The following IL10RB variants were observed in gnomAD, a reference collection of about 807,000 sequenced individuals.
IL10RB encodes interleukin-10 receptor subunit beta.
A neutral mutation model predicts 38.7 loss-of-function variants in IL10RB; 30 were observed. The ratio of observed to expected loss-of-function variants is 0.78; its 90% CI spans 0.58 to 1.05. The LOEUF is 1.05. Ranked by LOEUF, IL10RB falls within the 50% of genes least tolerant of loss-of-function variation. IL10RB has a pLI of 0.00. For missense variants in IL10RB, 328 were observed against 397.1 expected (o/e 0.83, Z 1.48); for synonymous variants, 142 against 145.9 (o/e 0.97, Z 0.19).
intron 6 of IL10RB, among the ~76,000 whole-genome samples, chr21:33,292,591 C>A (rs1443999491): frequency 6.6e-6 from 1 of 152,168 alleles, no homozygotes; most frequent in East Asian, 1.9e-4. Context: ...CATCACCTCG[C>A]GTCCCTCGTC....
downstream of IL10RB, among the ~76,000 whole-genome samples, chr21:33,299,491 C>A (rs755248859): frequency 3.9e-5 from 6 of 152,228 alleles, no homozygotes; most frequent in Non-Finnish European, 8.8e-5. Context: ...CCTTCCTCCT[C>A]GCTCTTTCTG....
intron 1 of IL10RB, chr21:33,267,981 A>G (rs1444502608): frequency 1.2e-5 from 4 of 323,300 alleles, no homozygotes; most frequent in South Asian, 2.6e-5. Context: ...GGGACTCGTG[A>G]GTTCCCCAGC....
intron 4 of IL10RB, 42 bp downstream of exon 4, chr21:33,279,960 T>C: frequency 1.3e-6 from 2 of 1,579,364 alleles, no homozygotes; most frequent in South Asian, 1.1e-5. Flanking sequence ...TAGGCTTTCA[T>C]ATTCTTTGCA....
At chr21:33,302,962 C>T (rs982711025) in intron 1 of IL10RB, among the ~76,000 whole-genome samples, 1 of 152,218 alleles carries the variant, frequency 6.6e-6, no homozygotes, top group Non-Finnish European at 1.5e-5. Context: ...CAGTGCACTG[C>T]AGTCCCTGGA....
In IL10RB at chr21:33,307,657, C is replaced by T. The variant is rs559575477; in HGVS notation, c.130-1319C>T. Among the ~76,000 whole-genome samples the T allele has an allele frequency of 2.0e-5, 3 of 152,306 alleles. No individual in the cohort carries two copies. In the East Asian group the frequency reaches 5.8e-4, roughly 29 times the overall value. ...CTGTCTCAGAGCCCGTGCATATGCT[C>T]TTCCCTAAGCATGGAACACTTTCTA... On this transcript the variant is annotated intron_variant, in intron 1 of 1. Transcript: ENST00000609556.
At chr21:33,309,763 A>G (rs1235290486) in exon 2 of IL10RB, 1 of 152,208 alleles carries the variant, frequency 6.6e-6, no homozygotes, top group Non-Finnish European at 1.5e-5. Context: ...AGTCCTCCAG[A>G]GGAGTTACTA....
At chr21:33,290,838 G>A (rs919527131) in intron 6 of IL10RB, among the ~76,000 whole-genome samples, 8 of 152,218 alleles carry the variant, frequency 5.3e-5, no homozygotes, top group African/African-American at 1.4e-4. Context: ...GTGATACGGC[G>A]TCTCTACTAG....
intron 3 of IL10RB, 62 bp downstream of exon 3, chr21:33,276,815 T>G: frequency 1.4e-6 from 2 of 1,465,180 alleles, no homozygotes; most frequent in South Asian, 2.3e-5. Flanking sequence ...TTTTTCCACA[T>G]TGGTTGGTCC....
chr21:33,298,280 C>T (rs113410071), downstream of IL10RB, among the ~76,000 whole-genome samples: 279 of 152,168 alleles, frequency 1.8e-3, no homozygotes, highest in Non-Finnish European at 3.4e-3. Context: ...TCTGTGATTG[C>T]TTTTTTGAAA....
chr21:33,292,662 A>G (rs1728978584), intron 6 of IL10RB, among the ~76,000 whole-genome samples: 1 of 152,144 alleles, frequency 6.6e-6, no homozygotes, highest in Non-Finnish European at 1.5e-5. Context: ...CAAACAGAGT[A>G]CAATTATCTG....
chr21:33,282,348 C>T (rs1989295244), intron 4 of IL10RB, among the ~76,000 whole-genome samples: 1 of 152,026 alleles, frequency 6.6e-6, no homozygotes, highest in South Asian at 2.1e-4. Context: ...GCCTGGCCAA[C>T]ATGGCAAAAC....
At chr21:33,286,536 A>T (rs964369561) in intron 5 of IL10RB, among the ~76,000 whole-genome samples, 5 of 152,016 alleles carry the variant, frequency 3.3e-5, no homozygotes, top group Non-Finnish European at 7.4e-5. Context: ...CAGTCAAAAC[A>T]TTTTATTCAG....
At chr21:33,288,376 C>G (rs1200287515) in intron 6 of IL10RB, 115 bp downstream of exon 6, 2 of 717,676 alleles carry the variant, frequency 2.8e-6, no homozygotes, top group Admixed American at 4.1e-5. Flanking sequence ...CACACACGCG[C>G]GCGCGCACAC....
In IL10RB at chr21:33,283,145, T is replaced by C. The variant is rs1989309747; in HGVS notation, c.550T>C (p.Trp184Arg). 2 of 1,613,900 alleles carry C rather than the reference T, an allele frequency of 1.2e-6. No homozygotes were observed. The highest frequency in any genetic ancestry group is 2.7e-5 in the African/African-American group (2 of 75,010). ...DFEVLRNLEP[W>R]TTYCVQVRGF... Reference sequence around the variant, plus strand: ...TGAGGTCCTCAGAAACCTGGAGCCATGGACAACTTATTGTGTTCAAGTTCG... The same window carrying C: ...TGAGGTCCTCAGAAACCTGGAGCCACGGACAACTTATTGTGTTCAAGTTCG... Residue 184 changes from tryptophan to arginine, a missense_variant, in exon 5 of 7, where the codon TGG (tryptophan) becomes CGG (arginine). Trp to Arg is a moderately radical substitution (Grantham distance 101). Transcript: ENST00000290200.
chr21:33,298,854 G>A (rs1255693196), downstream of IL10RB, among the ~76,000 whole-genome samples: 3 of 152,174 alleles, frequency 2.0e-5, no homozygotes, highest in Non-Finnish European at 4.4e-5. Flanking sequence ...AGGGATACCT[G>A]GAAGCCAAGT....
At chr21:33,307,476 A>G (rs1156614516) in intron 1 of IL10RB, among the ~76,000 whole-genome samples, 6 of 152,174 alleles carry the variant, frequency 3.9e-5, no homozygotes, top group South Asian at 2.1e-4. Context: ...GCCCAAGACC[A>G]TGCTTCTGTC....
chr21:33,300,737 G>A (rs2082983914), downstream of IL10RB, among the ~76,000 whole-genome samples: 1 of 152,150 alleles, frequency 6.6e-6, no homozygotes, highest in African/African-American at 2.4e-5. Flanking sequence ...CACCATGTGA[G>A]GACACAGAGA....
exon 2 of IL10RB, chr21:33,309,902 A>T (rs1364210666): frequency 6.6e-6 from 1 of 152,192 alleles, no homozygotes; most frequent in African/African-American, 2.4e-5. Flanking sequence ...ACATGTTGAA[A>T]CCCTAATCCC....
At position 33,275,581 on chromosome 21, in the gene IL10RB, C is replaced by T. The variant is rs142391628; in HGVS notation, c.174-1015C>T. ...GGCTGGTTTGATCTTCTATCCAGAC[C>T]ACTGAGACTTTCTGCATATTTTCAA... On this transcript the variant is annotated intron_variant, in intron 2 of 6. Transcript: ENST00000290200. 2.5e-3 allele frequency among the ~76,000 whole-genome samples: 377 copies of T among 152,284 alleles called. 2 individuals are homozygous for T. The highest frequency in any genetic ancestry group is 4.8e-3 in the Admixed American group (74 of 15,294).
Sources: allele counts gnomAD v4.1 joint callset (sites outside exome capture counted in the v4.1 genomes callset), GRCh38; gene constraint gnomAD v4.1.1; transcripts MANE v1.5; gene names NCBI Gene and HGNC (gene_info 2026-07-23, HGNC 2026-07-21).